PXDNL: variants seen among roughly 807,000 people sequenced by gnomAD.
The protein encoded by PXDNL is peroxidasin like.
Under a neutral mutation model 150.8 loss-of-function variants are expected in PXDNL, and 145 were observed. The observed-to-expected ratio is 0.96, with a 90% confidence interval of 0.84 to 1.10. PXDNL has a LOEUF of 1.10. Ranked by LOEUF, PXDNL falls within the 50% of genes least tolerant of loss-of-function variation. The pLI is 0.00. For missense variants in PXDNL, 2,087 were observed against 1,873.9 expected (o/e 1.11, Z -2.10); for synonymous variants, 757 against 725.7 (o/e 1.04, Z -0.69).
chr8:51,350,257 T>C (rs950226058), intron 19 of PXDNL, among the ~76,000 whole-genome samples: 4 of 151,400 alleles, frequency 2.6e-5, no homozygotes, highest in African/African-American at 7.3e-5. Context: ...TTGATTCGCA[T>C]AGGGCCCAGG....
chr8:51,578,009 GGA>G (rs1563471259), intron 3 of PXDNL, among the ~76,000 whole-genome samples: 82 of 85,974 alleles, frequency 9.5e-4, no homozygotes, highest in Admixed American at 1.5e-3. Flanking sequence ...GAGGAAGGAA[GGA>G]AGGAAGGAAG....
At chr8:51,465,388 G>A (rs6473602) in intron 8 of PXDNL, among the ~76,000 whole-genome samples, 31,099 of 151,420 alleles carry the variant, frequency 0.21, 4,256 homozygotes, top group African/African-American at 0.39. Flanking sequence ...CAAACTAGGC[G>A]TCAAAGCAAC....
intron 20 of PXDNL, among the ~76,000 whole-genome samples, chr8:51,342,819 T>C (rs1806028604): frequency 6.6e-6 from 1 of 150,970 alleles, no homozygotes; most frequent in African/African-American, 2.4e-5. Context: ...TAGAAAGTTG[T>C]TAACATGTCC....
chr8:51,486,705 C>T (rs1247621904), intron 5 of PXDNL, among the ~76,000 whole-genome samples: 1 of 133,248 alleles, frequency 7.5e-6, no homozygotes, highest in Non-Finnish European at 1.5e-5. Flanking sequence ...GATTGCTTTA[C>T]TCCCAACAAG....
chr8:51,508,345 T>C (rs1265134413), intron 4 of PXDNL, among the ~76,000 whole-genome samples: 1 of 152,264 alleles, frequency 6.6e-6, no homozygotes, highest in Non-Finnish European at 1.5e-5. Context: ...GAATTTTGAA[T>C]TGTGGCTATG....
intron 4 of PXDNL, among the ~76,000 whole-genome samples, chr8:51,543,863 A>C (rs1208424756): frequency 1.3e-5 from 2 of 152,236 alleles, no homozygotes; most frequent in Admixed American, 1.3e-4. Flanking sequence ...GCAAGAAAAA[A>C]GAAAAATTTA....
chr8:51,744,486 T>G (rs2036953171), intron 1 of PXDNL, among the ~76,000 whole-genome samples: 2 of 143,134 alleles, frequency 1.4e-5, no homozygotes, highest in Admixed American at 7.0e-5. Context: ...GCTAACATGG[T>G]GAAACCCCAT....
intron 19 of PXDNL, among the ~76,000 whole-genome samples, chr8:51,368,402 A>G (rs1036995626): frequency 6.6e-6 from 1 of 152,154 alleles, no homozygotes; most frequent in African/African-American, 2.4e-5. Flanking sequence ...CTCAGAGTCC[A>G]TTTCAATGTG....
intron 1 of PXDNL, among the ~76,000 whole-genome samples, chr8:51,730,189 G>A (rs1336194922): frequency 1.6e-5 from 2 of 122,916 alleles, no homozygotes; most frequent in Admixed American, 1.9e-4. Flanking sequence ...GTATTGACAG[G>A]GGGTAGCTTA....
chr8:51,408,180 G>A lies in PXDNL; in HGVS notation c.3444C>T (p.His1148=), dbSNP rs201306699. 2.5e-6 allele frequency: 4 copies of A among 1,614,016 alleles called. No homozygotes were observed. The highest frequency in any genetic ancestry group is 3.4e-6 in the Non-Finnish European group (4 of 1,179,896). ...TGAAGTCAACATATGGTGGGATCCC[G>A]TGGTCTCTACCCCTTTGAATGATGG... ...AATIIQRGRD[H]GIPPYVDFRV... is the part of the protein sequence containing the mutation. Residue 1148 remains histidine (H), a synonymous_variant, in exon 17 of 23, where the codon CAC becomes CAT. Transcript: ENST00000356297.
chr8:51,365,427 TA>T (rs1406804489), intron 19 of PXDNL, among the ~76,000 whole-genome samples: 1 of 152,196 alleles, frequency 6.6e-6, no homozygotes, highest in Non-Finnish European at 1.5e-5. Context: ...ACTGCTTGGT[TA>T]AAGTGAGTAG....
chr8:51,359,369 T>C lies in PXDNL; in HGVS notation c.3901+12504A>G, dbSNP rs185090958. On this transcript the variant is annotated intron_variant, in intron 19 of 22. Transcript: ENST00000356297. ...ACAGATGATCAGATGATGTTGGAAC[T>C]AAGAAGTTAAATAGATAAATTTAAA... 5.3e-5 allele frequency among the ~76,000 whole-genome samples: 8 copies of C among 152,300 alleles called. No individual in the cohort carries two copies. The East Asian group carries it at 1.5e-3, about 29-fold the overall frequency.
At chr8:51,457,705 C>T (rs1563420892) in intron 8 of PXDNL, 38 bp from the exon 9 acceptor site, 2 of 1,532,526 alleles carry the variant, frequency 1.3e-6, no homozygotes, top group Non-Finnish European at 9.0e-7. Flanking sequence ...TATTTAATCC[C>T]ATTCATGTTT....
At chr8:51,404,385 C>T (rs1808373875) in intron 17 of PXDNL, among the ~76,000 whole-genome samples, 1 of 149,840 alleles carries the variant, frequency 6.7e-6, no homozygotes, top group Admixed American at 6.6e-5. Context: ...AATCCCTGAG[C>T]TAGACACAGA....
chr8:51,590,501 C>T (rs759652937), intron 3 of PXDNL, among the ~76,000 whole-genome samples: 3 of 152,156 alleles, frequency 2.0e-5, no homozygotes, highest in Non-Finnish European at 4.4e-5. Flanking sequence ...GACATGGGGT[C>T]GTGGCCACCT....
At chr8:51,453,247 A>C (rs1230623198) in intron 10 of PXDNL, among the ~76,000 whole-genome samples, 3 of 152,196 alleles carry the variant, frequency 2.0e-5, no homozygotes, top group African/African-American at 7.2e-5. Context: ...TCTGAAGCAC[A>C]AATATCTCTT....
chr8:51,768,268 T>TG (rs921433372), intron 1 of PXDNL, among the ~76,000 whole-genome samples: 6 of 152,106 alleles, frequency 3.9e-5, no homozygotes, highest in South Asian at 2.1e-4. Context: ...TGTTTTTTTT[T>TG]TTTTGTTTTT....
intron 2 of PXDNL, among the ~76,000 whole-genome samples, chr8:51,608,522 A>T (rs901863219): frequency 6.7e-6 from 1 of 148,790 alleles, no homozygotes. Context: ...GCCACAAAGC[A>T]TTAATAGGAC....
At chr8:51,775,886 A>T (rs1201387964) in intron 1 of PXDNL, among the ~76,000 whole-genome samples, 1 of 152,250 alleles carries the variant, frequency 6.6e-6, no homozygotes, top group African/African-American at 2.4e-5. Flanking sequence ...GGTGGAACAG[A>T]GCCATATTTC....
Sources: gnomAD v4.1 joint callset for allele counts (sites outside exome capture counted in the v4.1 genomes callset) on GRCh38, gnomAD v4.1.1 for gene constraint, MANE v1.5 for transcripts, NCBI Gene and HGNC (gene_info 2026-07-23, HGNC 2026-07-21) for gene names.